TOGARAM1: variants seen among roughly 807,000 people sequenced by gnomAD.
TOGARAM1 encodes TOG array regulator of axonemal microtubules protein 1.
TOGARAM1 carries 100 observed loss-of-function variants against 166.6 expected under a neutral mutation model. That is an observed-to-expected ratio of 0.60 (90% confidence interval 0.51 to 0.71). TOGARAM1 has a LOEUF of 0.71. Ranked by LOEUF, TOGARAM1 falls within the 30% of genes least tolerant of loss-of-function variation. The probability of loss-of-function intolerance (pLI) is 0.00; values close to 1 mark genes in which losing one functional copy is unlikely to be tolerated. For synonymous variants in TOGARAM1, 758 were observed against 763.8 expected (o/e 0.99, Z 0.13); for missense variants, 2,029 against 2,102.7 (o/e 0.96, Z 0.69).
In TOGARAM1 at chr14:45,018,189, T is replaced by A. The variant is rs188255046; in HGVS notation, c.3238+6114T>A. On this transcript the variant is annotated intron_variant, in intron 7 of 19. Coordinates refer to ENST00000361462, the MANE Select transcript of TOGARAM1 (RefSeq NM_001308120.2). ...TAAATAAAAAGCTGTTATTTTCATGTGAATAGCAGCTGTGGTCATTATAAG... is the reference window on the plus strand; with the variant it reads ...TAAATAAAAAGCTGTTATTTTCATGAGAATAGCAGCTGTGGTCATTATAAG... Among the ~76,000 whole-genome samples the A allele has an allele frequency of 4.7e-3, 718 of 152,266 alleles. 5 individuals carry two copies. Among genetic ancestry groups the A allele is most frequent in the African/African-American group, 0.016 (672 of 41,558 alleles).
At chr14:45,004,969 C>T (rs1437744596) in intron 4 of TOGARAM1, among the ~76,000 whole-genome samples, 2 of 151,824 alleles carry the variant, frequency 1.3e-5, no homozygotes, top group Non-Finnish European at 2.9e-5. Flanking sequence ...GTTGCCCAGA[C>T]TGGAGTGCAA....
intron 16 of TOGARAM1, 38 bp from the exon 17 acceptor site, chr14:45,066,540 G>A (rs746318750): frequency 4.0e-6 from 6 of 1,509,400 alleles, no homozygotes; most frequent in Non-Finnish European, 5.4e-6. Context: ...TTATAGGAAA[G>A]TACAAATGAA....
chr14:45,043,334 T>G (rs1313544868), intron 11 of TOGARAM1, among the ~76,000 whole-genome samples: 2 of 152,110 alleles, frequency 1.3e-5, no homozygotes, highest in Admixed American at 1.3e-4. Flanking sequence ...TCCACCACCA[T>G]GCCCAGCTGA....
At position 44,962,959 on chromosome 14, in the gene TOGARAM1, C is replaced by G; in HGVS notation, c.538C>G (p.Leu180Val). ...GCTTGAAGAGGCCTTTAGCTTAGCACTTTTGCCTCAACTAGTTGTCTCGTT... is the reference window on the plus strand; with the variant it reads ...GCTTGAAGAGGCCTTTAGCTTAGCAGTTTTGCCTCAACTAGTTGTCTCGTT... ...GQLEEAFSLA[L>V]LPQLVVSLRE... The change falls in exon 1 of 20, where the codon CTT (leucine) becomes GTT (valine). Residue 180 changes from leucine to valine, a missense_variant. Physicochemically the swap from Leu to Val is conservative, Grantham distance 32. Transcript: ENST00000361462. 1 of 1,614,198 alleles carries G rather than the reference C, an allele frequency of 6.2e-7. No individual in the cohort carries two copies. Among genetic ancestry groups the G allele is most frequent in the Non-Finnish European group, 8.5e-7 (1 of 1,180,050 alleles).
chr14:44,986,562 G>C (rs1886807237), intron 1 of TOGARAM1, among the ~76,000 whole-genome samples: 1 of 152,090 alleles, frequency 6.6e-6, no homozygotes, highest in African/African-American at 2.4e-5. Flanking sequence ...CTTCCAAAGT[G>C]CTGGGATTAC....
intron 16 of TOGARAM1, among the ~76,000 whole-genome samples, chr14:45,062,045 G>GC (rs1450085762): frequency 6.6e-6 from 1 of 152,070 alleles, no homozygotes; most frequent in Non-Finnish European, 1.5e-5. Context: ...TTATGGCCCA[G>GC]CATGTGTTCT....
chr14:44,975,509 C>G (rs187385668), intron 1 of TOGARAM1, among the ~76,000 whole-genome samples: 130 of 152,226 alleles, frequency 8.5e-4, no homozygotes, highest in Admixed American at 2.3e-3. Flanking sequence ...CTCTGTTGCC[C>G]AGGCTGGAGT....
At chr14:45,025,929 C>T (rs1018066615) in intron 8 of TOGARAM1, 57 bp downstream of exon 8, 7 of 865,134 alleles carry the variant, frequency 8.1e-6, no homozygotes, top group South Asian at 6.2e-5. Flanking sequence ...AGAAGCAAAG[C>T]CTATCAATAA....
rs370754534 is a variant in TOGARAM1 at position 45,011,982 on chromosome 14, A to G, written c.3145A>G (p.Ile1049Val). Residue 1049 changes from isoleucine to valine, a missense_variant, in exon 7 of 20, where the codon ATA becomes GTA. By Grantham distance (29) the Ile-to-Val change is conservative. This residue lies in a region of TOGARAM1 where 1,453 missense variants were observed against 1,432.2 expected (regional missense o/e 1.01). Coordinates refer to ENST00000361462, the MANE Select transcript of TOGARAM1 (RefSeq NM_001308120.2). ...TPQGKRIMSD[I>V]FPTFGSKPCP... is the part of the protein sequence containing the mutation. ...TACTTTGTTTCATTGCAGGTCAGAC[A>G]TATTTCCAACATTTGGGTCAAAACC... 2.5e-6 allele frequency: 4 copies of G among 1,602,192 alleles called. No individual in the cohort carries two copies. Among genetic ancestry groups the G allele is most frequent in the South Asian group, 1.1e-5 (1 of 88,396 alleles).
intron 6 of TOGARAM1, 44 bp downstream of exon 6, chr14:45,009,189 T>C (rs756216885): frequency 7.1e-7 from 1 of 1,412,494 alleles, no homozygotes; most frequent in Admixed American, 1.9e-5. Flanking sequence ...CCTCTGTAAT[T>C]AGTGATTTAG....
intron 16 of TOGARAM1, among the ~76,000 whole-genome samples, chr14:45,061,591 G>C (rs2138993039): frequency 6.6e-6 from 1 of 152,230 alleles, no homozygotes; most frequent in East Asian, 1.9e-4. Context: ...TCATGAATGA[G>C]TGTTGAATTT....
At chr14:44,981,634 G>A (rs1886537149) in intron 1 of TOGARAM1, among the ~76,000 whole-genome samples, 1 of 152,054 alleles carries the variant, frequency 6.6e-6, no homozygotes, top group South Asian at 2.1e-4. Flanking sequence ...TTGTAAAAAA[G>A]TTATACATGC....
In TOGARAM1 at chr14:44,979,173, T is replaced by TAAG. The variant is rs1886391819; in HGVS notation, c.2046+14708_2046+14709insGAA. On this transcript the variant is annotated intron_variant, in intron 1 of 19. Coordinates refer to ENST00000361462, the MANE Select transcript of TOGARAM1 (RefSeq NM_001308120.2). Reference sequence around the variant, plus strand: ...AATTTGCTTACCTATAAGTCACCATTAATAATAATAATAATAATACTGTTT... The same window carrying TAAG: ...AATTTGCTTACCTATAAGTCACCATTAAGAATAATAATAATAATAATACTGTTT... 9.1e-5 allele frequency among the ~76,000 whole-genome samples: 11 copies of TAAG among 120,482 alleles called. No homozygotes were observed. In the South Asian group the frequency reaches 2.8e-3, roughly 31 times the overall value. The allele number at this position is 120,482 out of a possible 152,430, so 79.0% of individuals were successfully genotyped here.
At position 45,066,443 on chromosome 14, in the gene TOGARAM1, A is replaced by G. The variant is rs112243240; in HGVS notation, c.4560-135A>G. On this transcript the variant is annotated intron_variant, in intron 16 of 19. Coordinates refer to ENST00000361462, the MANE Select transcript of TOGARAM1 (RefSeq NM_001308120.2). ...GACCCCCAGGAGAGATACTGTGGCT[A>G]TGGGTTAGCCACAGTTTTTTGCATT... 51 of 668,968 alleles carry G rather than the reference A, an allele frequency of 7.6e-5. 4 individuals carry two copies. Among genetic ancestry groups the G allele is most frequent in the African/African-American group, 5.0e-4 (28 of 55,568 alleles). The allele number at this position is 668,968 out of a possible 1,614,324, so 41.4% of individuals were successfully genotyped here.
At chr14:45,060,793 A>C (rs978688926) in intron 16 of TOGARAM1, among the ~76,000 whole-genome samples, 1 of 152,212 alleles carries the variant, frequency 6.6e-6, no homozygotes, top group African/African-American at 2.4e-5. Flanking sequence ...ACACCACAGA[A>C]GTGATGTTGT....
chr14:45,026,882 T>G (rs573363812), intron 8 of TOGARAM1, among the ~76,000 whole-genome samples: 1 of 150,526 alleles, frequency 6.6e-6, no homozygotes, highest in Non-Finnish European at 1.5e-5. Flanking sequence ...GTGCTGTGCG[T>G]CTGTAGTCCT....
chr14:45,070,040 G>T (rs1883308003), intron 18 of TOGARAM1, among the ~76,000 whole-genome samples: 2 of 152,108 alleles, frequency 1.3e-5, no homozygotes, highest in African/African-American at 4.8e-5. Context: ...AAATTAGCCG[G>T]GCGTGGTGGC....
Position 45,006,272 on chromosome 14 carries a change from G to A in TOGARAM1, c.2904+5G>A. 1.3e-6 allele frequency: 2 copies of A among 1,572,230 alleles called. No homozygotes were observed. The highest frequency in any genetic ancestry group is 1.7e-6 in the Non-Finnish European group (2 of 1,157,462). On this transcript the variant is annotated splice_donor_5th_base_variant and intron_variant, in intron 5 of 19. Coordinates refer to ENST00000361462, the MANE Select transcript of TOGARAM1 (RefSeq NM_001308120.2). ...AAAGATTTGGATCAAGAAGAGGTTA[G>A]AACCAAATATTTTTAATGACTTAAA...
chr14:45,017,975 A>T (rs545842140), intron 7 of TOGARAM1, among the ~76,000 whole-genome samples: 3 of 152,324 alleles, frequency 2.0e-5, no homozygotes, highest in South Asian at 4.1e-4. Context: ...ATTGCTTAAG[A>T]GATCCTATTA....
Sources: allele counts gnomAD v4.1 joint callset (sites outside exome capture counted in the v4.1 genomes callset), GRCh38; gene constraint gnomAD v4.1.1; regional missense constraint gnomAD v4.1.1; transcripts MANE v1.5; gene names NCBI Gene and HGNC (gene_info 2026-07-23, HGNC 2026-07-21).